TDRD9: variants seen among roughly 807,000 people sequenced by gnomAD.
TDRD9 encodes the protein tudor domain containing 9, also known as ATP-dependent RNA helicase TDRD9.
Under a neutral mutation model 172.6 loss-of-function variants are expected in TDRD9, and 124 were observed. The ratio of observed to expected loss-of-function variants is 0.72; its 90% confidence interval spans 0.62 to 0.83. TDRD9 has a LOEUF of 0.83. Ranked by LOEUF, TDRD9 falls within the 40% of genes least tolerant of loss-of-function variation. The pLI is 0.00. For synonymous variants in TDRD9, 619 were observed against 617.1 expected (o/e 1.00, Z -0.05); for missense variants, 1,479 against 1,714.1 (o/e 0.86, Z 2.42).
At chr14:104,010,888 C>T (rs899711871) in intron 20 of TDRD9, among the ~76,000 whole-genome samples, 1 of 152,194 alleles carries the variant, frequency 6.6e-6, no homozygotes, top group Admixed American at 6.5e-5. Flanking sequence ...TGAGAAAAAC[C>T]TGCATATAAG....
intron 1 of TDRD9, chr14:103,941,695 T>G: frequency 6.7e-7 from 1 of 1,501,370 alleles, no homozygotes. Flanking sequence ...AAAAGTGGCA[T>G]TTTTAGCCTA....
chr14:103,952,051 A>T (rs1208467056), intron 1 of TDRD9, among the ~76,000 whole-genome samples: 1 of 150,706 alleles, frequency 6.6e-6, no homozygotes, highest in African/African-American at 2.4e-5. Flanking sequence ...TACCGGCGTG[A>T]GCCACCATGC....
At chr14:103,986,477 A>AT (rs2033665209) in intron 8 of TDRD9, among the ~76,000 whole-genome samples, 157 bp downstream of exon 8, 1 of 152,182 alleles carries the variant, frequency 6.6e-6, no homozygotes, top group African/African-American at 2.4e-5. Context: ...GTATTTTGGA[A>AT]TTTTTTTAAC....
intron 9 of TDRD9, 97 bp downstream of exon 9, chr14:103,991,321 A>G: frequency 7.8e-7 from 1 of 1,280,454 alleles, no homozygotes. Context: ...TATTCTCCAT[A>G]GGACTTTATT....
chr14:103,995,396 C>G (rs1040805902), intron 11 of TDRD9, among the ~76,000 whole-genome samples: 3 of 152,174 alleles, frequency 2.0e-5, no homozygotes, highest in Non-Finnish European at 4.4e-5. Context: ...TATTCTAGGG[C>G]AAGTACAGGC....
intron 3 of TDRD9, among the ~76,000 whole-genome samples, chr14:103,964,158 G>T (rs1051296955): frequency 2.6e-5 from 4 of 152,142 alleles, no homozygotes; most frequent in African/African-American, 9.7e-5. Context: ...TGGCAGGATG[G>T]CTTGAGCTTA....
At position 104,028,534 on chromosome 14, in the gene TDRD9, G is replaced by A. The variant is rs117747273; in HGVS notation, c.3282+1595G>A. Among the ~76,000 whole-genome samples the A allele has an allele frequency of 4.7e-4, 71 of 152,150 alleles. 2 individuals are homozygous for A. In the East Asian group the frequency reaches 0.014, roughly 29 times the overall value. ...AGATGCTTTGCCCACTTTTTAATTGGATTATTTGCTTTTTTGCTGTTTGAG... is the reference window on the plus strand; with the variant it reads ...AGATGCTTTGCCCACTTTTTAATTGAATTATTTGCTTTTTTGCTGTTTGAG... On this transcript the variant is annotated intron_variant, in intron 28 of 35. Coordinates refer to ENST00000409874, the MANE Select transcript of TDRD9 (RefSeq NM_153046.3).
chr14:103,930,682 T>A (rs924789952), intron 1 of TDRD9, among the ~76,000 whole-genome samples: 2 of 152,188 alleles, frequency 1.3e-5, no homozygotes, highest in Non-Finnish European at 2.9e-5. Context: ...TTGCTGTTTG[T>A]ATGTTTGCAC....
Position 104,052,160 on chromosome 14 carries a change from C to A in TDRD9, c.*78C>A. 2.0e-6 allele frequency: 2 copies of A among 999,380 alleles called. No individual in the cohort carries two copies. Among genetic ancestry groups the A allele is most frequent in the South Asian group, 1.5e-5 (1 of 67,600 alleles). 61.9% of individuals were successfully genotyped at this position (999,380 alleles called of 1,614,324 possible). ...ATTCCAGGCTCCCTCCGCAGACTGA[C>A]TTTCCTCTGTGTCTGGGTGTTACAG... is the stretch of plus-strand genomic sequence containing the variant. On this transcript the variant is annotated 3_prime_UTR_variant, in exon 36 of 36. Transcript: ENST00000409874.
In TDRD9 at chr14:104,008,430, A is replaced by G; in HGVS notation, c.2070A>G (p.Gly690=). 1 of 1,561,742 alleles carries G rather than the reference A, an allele frequency of 6.4e-7. No homozygotes were observed. The highest frequency in any genetic ancestry group is 8.8e-7 in the Non-Finnish European group (1 of 1,133,650). ...LRYPKDELNW[G]RLNYIQIKRI... Reference sequence around the variant, plus strand: ...ATTTAAAGGATGAACTTAATTGGGGACGGTTAAATTACATTCAAATCAAGA... The same window carrying G: ...ATTTAAAGGATGAACTTAATTGGGGGCGGTTAAATTACATTCAAATCAAGA... The change falls in exon 20 of 36, where the codon GGA becomes GGG. Residue 690 remains glycine (G), a synonymous_variant. Transcript: ENST00000409874.
At chr14:103,960,300 T>A (rs1466508654) in intron 2 of TDRD9, among the ~76,000 whole-genome samples, 1 of 152,202 alleles carries the variant, frequency 6.6e-6, no homozygotes, top group Non-Finnish European at 1.5e-5. Context: ...CTCTAGGTGC[T>A]GAACTTTTTG....
chr14:104,002,878 G>A (rs948438645), intron 13 of TDRD9, among the ~76,000 whole-genome samples: 5 of 151,742 alleles, frequency 3.3e-5, no homozygotes, highest in South Asian at 4.2e-4. Flanking sequence ...CTACAGGCGC[G>A]CACCCCTATG....
chr14:104,031,410 A>T, intron 29 of TDRD9, 147 bp downstream of exon 29: 3 of 668,728 alleles, frequency 4.5e-6, no homozygotes, highest in Non-Finnish European at 7.1e-6. Context: ...CTCTTATAAT[A>T]ATAAGAAAAA....
intron 7 of TDRD9, among the ~76,000 whole-genome samples, chr14:103,985,672 A>G (rs1390390244): frequency 1.3e-5 from 2 of 152,016 alleles, no homozygotes; most frequent in Non-Finnish European, 2.9e-5. Context: ...TAGTAGAGGA[A>G]CCCGTAAACC....
At chr14:103,998,945 A>G (rs965664683) in intron 13 of TDRD9, among the ~76,000 whole-genome samples, 1 of 152,086 alleles carries the variant, frequency 6.6e-6, no homozygotes, top group East Asian at 1.9e-4. Context: ...GGCGCCTGCC[A>G]CCACGCCTGG....
intron 8 of TDRD9, among the ~76,000 whole-genome samples, chr14:103,989,945 T>C (rs2033807852): frequency 6.6e-6 from 1 of 152,220 alleles, no homozygotes; most frequent in Non-Finnish European, 1.5e-5. Context: ...CTCCATCAGA[T>C]CTCCTTATTA....
At chr14:104,023,226 G>T (rs908022776) in intron 24 of TDRD9, among the ~76,000 whole-genome samples, 6 of 148,662 alleles carry the variant, frequency 4.0e-5, no homozygotes, top group African/African-American at 1.5e-4. Flanking sequence ...GATACCTATG[G>T]TGTAAGGCTG....
intron 2 of TDRD9, among the ~76,000 whole-genome samples, chr14:103,962,805 A>G (rs1195364743): frequency 6.6e-6 from 1 of 152,208 alleles, no homozygotes; most frequent in Non-Finnish European, 1.5e-5. Flanking sequence ...TGCAAAGGAC[A>G]TGATTTCATT....
intron 23 of TDRD9, 144 bp from the exon 24 acceptor site, chr14:104,022,013 C>T: frequency 1.6e-6 from 1 of 644,180 alleles, no homozygotes; most frequent in South Asian, 2.0e-5. Context: ...GAAATTAATA[C>T]ATGTTATTGA....
Sources: allele counts gnomAD v4.1 joint callset (sites outside exome capture counted in the v4.1 genomes callset), GRCh38; gene constraint gnomAD v4.1.1; transcripts MANE v1.5; gene names NCBI Gene and HGNC (gene_info 2026-07-23, HGNC 2026-07-21).